EXOC2: variants seen among roughly 807,000 people sequenced by gnomAD.
EXOC2 encodes the protein exocyst complex component 2, also known as SEC5-like 1.
In EXOC2, 70 loss-of-function variants were observed where a neutral mutation model predicts 131.8. The ratio of observed to expected loss-of-function variants is 0.53; its 90% confidence interval spans 0.44 to 0.65. The LOEUF (loss-of-function observed/expected upper bound fraction) is 0.65, where lower values mean the gene tolerates loss of function less well. Ranked by LOEUF, EXOC2 falls within the 30% of genes least tolerant of loss-of-function variation. The pLI, the probability that EXOC2 is intolerant of heterozygous loss-of-function variation, is 0.00. For missense variants in EXOC2, 923 were observed against 1,108.6 expected, an observed-to-expected ratio of 0.83 and a Z score of 2.38; for synonymous variants, 411 against 398.4, an observed-to-expected ratio of 1.03 and a Z score of -0.38.
chr6:553,084 A>G (rs1757232384), intron 21 of EXOC2, among the ~76,000 whole-genome samples: 1 of 152,060 alleles, frequency 6.6e-6, no homozygotes, highest in Admixed American at 6.6e-5. Context: ...CACCAGACTA[A>G]TTTTTGTACT....
intron 25 of EXOC2, 111 bp downstream of exon 25, chr6:497,256 C>T: frequency 9.8e-6 from 9 of 920,380 alleles, no homozygotes; most frequent in Non-Finnish European, 1.5e-5. Context: ...CTTCTTCAAT[C>T]AGTAGATCCA....
At chr6:508,656 G>GTT (rs1561796604) in intron 23 of EXOC2, among the ~76,000 whole-genome samples, 1 of 152,160 alleles carries the variant, frequency 6.6e-6, no homozygotes, top group African/African-American at 2.4e-5. Context: ...CAGATGGACC[G>GTT]TAACACATTT....
chr6:524,423 T>TA (rs1362988731), intron 23 of EXOC2: 2 of 152,158 alleles, frequency 1.3e-5, no homozygotes, highest in African/African-American at 4.8e-5. Context: ...AAGCCCTACT[T>TA]AGTCATAATG....
chr6:502,469 G>A (rs1054507228), intron 23 of EXOC2, among the ~76,000 whole-genome samples: 2 of 152,206 alleles, frequency 1.3e-5, no homozygotes, highest in African/African-American at 4.8e-5. Flanking sequence ...ACAGCCTGCT[G>A]TGAACTCAAC....
At chr6:684,198 C>A (rs1354988143) in intron 1 of EXOC2, among the ~76,000 whole-genome samples, 1 of 151,844 alleles carries the variant, frequency 6.6e-6, no homozygotes, top group Non-Finnish European at 1.5e-5. Context: ...GGAGACAGGA[C>A]CGCAGGAAGA....
At chr6:539,931 G>A (rs1450223759) in intron 22 of EXOC2, among the ~76,000 whole-genome samples, 5 of 151,984 alleles carry the variant, frequency 3.3e-5, no homozygotes, top group Admixed American at 2.6e-4. Flanking sequence ...GTCAAATGGG[G>A]GCAAAATAAA....
At chr6:504,520 T>C (rs1764418060) in intron 23 of EXOC2, among the ~76,000 whole-genome samples, 1 of 152,232 alleles carries the variant, frequency 6.6e-6, no homozygotes, top group South Asian at 2.1e-4. Context: ...CCTCCTCCCA[T>C]TGAATTTCAT....
intron 1 of EXOC2, among the ~76,000 whole-genome samples, 168 bp downstream of exon 1, chr6:692,851 G>A (rs981408769): frequency 6.6e-6 from 1 of 152,144 alleles, no homozygotes; most frequent in East Asian, 1.9e-4. Context: ...CTGCGGGGCT[G>A]GGAACCGCGG....
chr6:666,126 C>A (rs1443308374), intron 1 of EXOC2, among the ~76,000 whole-genome samples: 1 of 152,046 alleles, frequency 6.6e-6, no homozygotes, highest in Non-Finnish European at 1.5e-5. Flanking sequence ...TACTACACTG[C>A]CCTTCACAAA....
At chr6:661,020 T>C (rs1722579167) in intron 1 of EXOC2, among the ~76,000 whole-genome samples, 1 of 152,068 alleles carries the variant, frequency 6.6e-6, no homozygotes. Context: ...CTGGAAAGCC[T>C]CAGCAATGGA....
At chr6:570,178 G>A (rs1263358917) in intron 13 of EXOC2, among the ~76,000 whole-genome samples, 1 of 141,940 alleles carries the variant, frequency 7.0e-6, no homozygotes, top group Non-Finnish European at 1.5e-5. Context: ...CTGTCGCCCA[G>A]GCTGGAGTGT....
intron 23 of EXOC2, among the ~76,000 whole-genome samples, chr6:503,730 G>A (rs1764361504): frequency 5.3e-5 from 8 of 152,186 alleles, no homozygotes. Flanking sequence ...AGACCAGATA[G>A]TGTCCGTGTC....
chr6:625,264 T>C (rs1228118657), intron 4 of EXOC2, among the ~76,000 whole-genome samples: 2 of 152,202 alleles, frequency 1.3e-5, no homozygotes, highest in African/African-American at 4.8e-5. Context: ...TGCAAATCAA[T>C]GGGCCTCCTT....
chr6:603,759 G>C lies in EXOC2; in HGVS notation c.743-4534C>G, dbSNP rs1037633069. ...TTCTTTCATTTTGCACGTGGTACTTGGGTTAAATCATTCAATCCTGTTTGT... is the reference window on the plus strand; with the variant it reads ...TTCTTTCATTTTGCACGTGGTACTTCGGTTAAATCATTCAATCCTGTTTGT... On this transcript the variant is annotated intron_variant, in intron 7 of 27. Transcript: ENST00000230449. Among the ~76,000 whole-genome samples the C allele has an allele frequency of 3.8e-4, 58 of 152,160 alleles. 1 individual carries two copies. Among genetic ancestry groups the C allele is most frequent in the African/African-American group, 1.3e-3 (55 of 41,502 alleles).
chr6:688,101 C>G (rs529998023), intron 1 of EXOC2, among the ~76,000 whole-genome samples: 4 of 152,258 alleles, frequency 2.6e-5, no homozygotes, highest in South Asian at 2.1e-4. Flanking sequence ...GGCAGGAAGC[C>G]CCTGCGATTC....
intron 1 of EXOC2, among the ~76,000 whole-genome samples, chr6:660,349 G>C (rs1355423238): frequency 1.3e-5 from 2 of 152,130 alleles, no homozygotes; most frequent in Non-Finnish European, 2.9e-5. Context: ...CACCAAACTA[G>C]AGCATTAAAC....
At position 584,288 on chromosome 6, in the gene EXOC2, C is replaced by A. The variant is rs73371919; in HGVS notation, c.1193-7406G>T. Among the ~76,000 whole-genome samples the A allele has an allele frequency of 3.6e-3, 546 of 152,192 alleles. 3 individuals are homozygous for A. The highest frequency in any genetic ancestry group is 0.013 in the African/African-American group (526 of 41,530). Reference sequence around the variant, plus strand: ...ATACCAGAATTATATGTAATATTAACCCCAATAATATTTGTAAAAATGATA... The same window carrying A: ...ATACCAGAATTATATGTAATATTAAACCCAATAATATTTGTAAAAATGATA... On this transcript the variant is annotated intron_variant, in intron 11 of 27. Transcript: ENST00000230449.
intron 23 of EXOC2, among the ~76,000 whole-genome samples, chr6:515,776 T>C (rs9378894): frequency 0.031 from 2,671 of 85,476 alleles, 17 homozygotes; most frequent in Middle Eastern, 0.067. Context: ...CCAGAGTGAC[T>C]GTAATCATAC....
chr6:498,744 C>A (rs922759896), intron 24 of EXOC2, among the ~76,000 whole-genome samples: 3 of 152,114 alleles, frequency 2.0e-5, no homozygotes, highest in African/African-American at 7.2e-5. Context: ...ACCTTGATGG[C>A]CTCAGATACT....
Sources: gnomAD v4.1 joint callset for allele counts (sites outside exome capture counted in the v4.1 genomes callset) on GRCh38, gnomAD v4.1.1 for gene constraint, MANE v1.5 for transcripts, NCBI Gene and HGNC (gene_info 2026-07-23, HGNC 2026-07-21) for gene names.